Variants in NAA25 observed in about 807,000 individuals in gnomAD.
NAA25 encodes N-alpha-acetyltransferase 25, NatB auxiliary subunit.
Under a neutral mutation model 132.5 loss-of-function variants are expected in NAA25, and 30 were observed. The ratio of observed to expected loss-of-function variants is 0.23; its 90% CI spans 0.17 to 0.31. The LOEUF (loss-of-function observed/expected upper bound fraction) is 0.31. Among genes scored for constraint, NAA25 ranks in the 10% least tolerant of loss-of-function variants. NAA25 has a pLI of 1.00. For synonymous variants in NAA25, 359 were observed against 401.9 expected (o/e 0.89, Z 1.28); for missense variants, 771 against 1,150.4 (o/e 0.67, Z 4.77).
chr12:112,068,703 A>C (rs1043072789), intron 11 of NAA25, among the ~76,000 whole-genome samples, 177 bp downstream of exon 11: 5 of 152,216 alleles, frequency 3.3e-5, no homozygotes, highest in Admixed American at 2.6e-4. Context: ...TTGTGACTTA[A>C]CCAGAAATTA....
In NAA25 at chr12:112,027,660, C is replaced by T. The variant is rs1302989505; in HGVS notation, c.*1871G>A. On this transcript the variant is annotated 3_prime_UTR_variant, in exon 24 of 24. Transcript: ENST00000261745. ...ATATGCTAGATTGATCATGGTCAGT[C>T]GATAGACTTTTTCAAAGAGCATTTC... is the stretch of plus-strand genomic sequence containing the variant. The T allele has an allele frequency of 1.3e-5, 2 of 152,074 alleles. No homozygotes were observed. The highest frequency in any genetic ancestry group is 6.6e-5 in the Admixed American group (1 of 15,258). The allele number at this position is 152,074 out of a possible 1,614,324, so 9.4% of individuals were successfully genotyped here. A position where few individuals can be genotyped will look rare whatever the true frequency, so the allele number is the denominator to read the frequency against.
intron 12 of NAA25, 58 bp from the exon 13 acceptor site, chr12:112,060,417 A>C: frequency 8.3e-7 from 1 of 1,206,744 alleles, no homozygotes; most frequent in Non-Finnish European, 1.2e-6. Context: ...ACTGACCCCA[A>C]AGGAGTTTTT....
At chr12:112,095,412 G>A (rs189583365) in intron 1 of NAA25, among the ~76,000 whole-genome samples, 3 of 151,284 alleles carry the variant, frequency 2.0e-5, no homozygotes, top group Non-Finnish European at 2.9e-5. Flanking sequence ...ACTCCAGCCT[G>A]AGTGACAGAG....
chr12:112,033,188 T>C (rs377640040), intron 23 of NAA25, 45 bp downstream of exon 23: 10 of 1,539,512 alleles, frequency 6.5e-6, no homozygotes, highest in East Asian at 2.3e-5. Flanking sequence ...GACAGAGTGT[T>C]TGTGTGTGTG....
intron 11 of NAA25, 100 bp from the exon 12 acceptor site, chr12:112,061,488 G>GA (rs368529074): frequency 0.055 from 36,414 of 666,224 alleles, 1 homozygote; most frequent in South Asian, 0.071. Flanking sequence ...AAGACATCAA[G>GA]AAAAAAAAAA....
chr12:112,067,151 A>C (rs2078729765), intron 11 of NAA25, among the ~76,000 whole-genome samples: 1 of 152,136 alleles, frequency 6.6e-6, no homozygotes, highest in South Asian at 2.1e-4. Flanking sequence ...GAGAGCAGAG[A>C]TCGCGCCAAC....
intron 15 of NAA25, among the ~76,000 whole-genome samples, chr12:112,051,355 C>A (rs1402572968): frequency 6.6e-6 from 1 of 152,106 alleles, no homozygotes; most frequent in Non-Finnish European, 1.5e-5. Flanking sequence ...GGATTACAGG[C>A]ACCTACCACC....
intron 7 of NAA25, 144 bp from the exon 8 acceptor site, chr12:112,075,933 A>G (rs908974364): frequency 1.0e-5 from 6 of 599,038 alleles, no homozygotes; most frequent in Non-Finnish European, 1.7e-5. Context: ...CCCAGGCTGG[A>G]GTGCAATGGC....
chr12:112,080,952 C>T (rs944906856), intron 5 of NAA25, 108 bp downstream of exon 5: 27 of 907,978 alleles, frequency 3.0e-5, no homozygotes, highest in African/African-American at 8.3e-5. Context: ...TGGGTGACAG[C>T]GTGACCCTGT....
intron 5 of NAA25, among the ~76,000 whole-genome samples, chr12:112,080,371 C>T (rs1047870018): frequency 6.7e-5 from 10 of 150,354 alleles, no homozygotes; most frequent in African/African-American, 1.2e-4. Context: ...TGCTGCAACA[C>T]ATTACACAAA....
At chr12:112,042,727 G>A (rs1276382000) in intron 19 of NAA25, among the ~76,000 whole-genome samples, 9 of 152,090 alleles carry the variant, frequency 5.9e-5, no homozygotes, top group African/African-American at 4.8e-5. Flanking sequence ...GGCTGGTCTC[G>A]AACTCCTGAC....
intron 7 of NAA25, among the ~76,000 whole-genome samples, chr12:112,077,833 A>G (rs937513843): frequency 1.3e-5 from 2 of 152,048 alleles, no homozygotes; most frequent in South Asian, 2.1e-4. Flanking sequence ...TGCTAACTGA[A>G]TAAGATTATT....
intron 22 of NAA25, chr12:112,034,058 A>T (rs2078189000): frequency 6.6e-6 from 1 of 152,232 alleles, no homozygotes; most frequent in Non-Finnish European, 1.5e-5. Context: ...TAGAAAAAGG[A>T]GATACCAATA....
chr12:112,108,734 G>A lies in NAA25; in HGVS notation c.40C>T (p.Arg14Cys). 6.5e-7 allele frequency: 1 copy of A among 1,529,308 alleles called. No individual in the cohort carries two copies. 94.7% of individuals were successfully genotyped at this position (1,529,308 alleles called of 1,614,324 possible). A position where few individuals can be genotyped will look rare whatever the true frequency, so the allele number is the denominator to read the frequency against. Residue 14 changes from arginine (R) to cysteine (C), a missense_variant, in exon 1 of 24, where the codon CGC becomes TGC. Arg to Cys is a radical substitution (Grantham distance 180). Coordinates refer to ENST00000261745, the MANE Select transcript of NAA25 (RefSeq NM_024953.4). ...CACTCACCGTAAATGGGCCGGAGGC[G>A]CCTGTCGTTAGGGTCCTGCACATGG... ...RGHVQDPNDR[R>C]LRPIYDYLDN...
At chr12:112,105,213 G>A (rs933657255) in intron 1 of NAA25, among the ~76,000 whole-genome samples, 1 of 152,062 alleles carries the variant, frequency 6.6e-6, no homozygotes, top group African/African-American at 2.4e-5. Flanking sequence ...CCAGTACTCA[G>A]GAGGCTGAGG....
chr12:112,067,540 C>T (rs1004143588), intron 11 of NAA25, among the ~76,000 whole-genome samples: 1 of 151,954 alleles, frequency 6.6e-6, no homozygotes, highest in Non-Finnish European at 1.5e-5. Context: ...AAAACCCTGT[C>T]TCTAACTAAA....
intron 14 of NAA25, among the ~76,000 whole-genome samples, 191 bp downstream of exon 14, chr12:112,054,197 G>GTGCAAAT (rs1280884693): frequency 1.3e-5 from 2 of 152,158 alleles, no homozygotes; most frequent in Non-Finnish European, 2.9e-5. Flanking sequence ...TTTCTAAATT[G>GTGCAAAT]TGCAAATTTT....
chr12:112,033,373 C>T lies in NAA25; in HGVS notation c.2656G>A (p.Val886Ile). The T allele has an allele frequency of 6.3e-7, 1 of 1,599,808 alleles. No homozygotes were observed. Among genetic ancestry groups the T allele is most frequent in the Middle Eastern group, 1.7e-4 (1 of 5,986 alleles). Residue 886 changes from valine to isoleucine, a missense_variant, in exon 23 of 24, where the codon GTC becomes ATC. Physicochemically the swap from Val to Ile is conservative, Grantham distance 29. This residue lies in a region of NAA25 where 324 missense variants were observed against 400.0 expected (regional missense o/e 0.81). Coordinates refer to ENST00000261745, the MANE Select transcript of NAA25 (RefSeq NM_024953.4). ...KKETSIIMPP[V>I]FTSFQDYVTG... is the part of the protein sequence containing the mutation. ...ACATAGTCTTGGAAACTGGTAAAGA[C>T]AGGTGGCTGGGAAAAAGATTAAAAA... is the stretch of plus-strand genomic sequence containing the variant.
At chr12:112,092,838 A>C (rs7358781) in intron 2 of NAA25, among the ~76,000 whole-genome samples, 1 of 151,898 alleles carries the variant, frequency 6.6e-6, no homozygotes, top group Non-Finnish European at 1.5e-5. Flanking sequence ...CCACCATGCC[A>C]GGCTAATTTT....
Sources: allele counts gnomAD v4.1 joint callset (sites outside exome capture counted in the v4.1 genomes callset), GRCh38; gene constraint gnomAD v4.1.1; regional missense constraint gnomAD v4.1.1; transcripts MANE v1.5; gene names NCBI Gene and HGNC (gene_info 2026-07-23, HGNC 2026-07-21).